The following PAM variants were observed in gnomAD, a reference collection of about 807,000 sequenced individuals.
The protein encoded by PAM is peptidylglycine alpha-amidating monooxygenase, also known as peptidyl-glycine alpha-amidating monooxygenase.
Under a neutral mutation model 122.1 loss-of-function variants are expected in PAM, and 72 were observed. The ratio of observed to expected loss-of-function variants is 0.59; its 90% confidence interval spans 0.49 to 0.72. PAM has a LOEUF of 0.72. PAM is among the 30% of genes least tolerant of loss of function. The pLI is 0.00. For synonymous variants in PAM, 389 were observed against 404.4 expected, an observed-to-expected ratio of 0.96 and a Z score of 0.46; for missense variants, 1,106 against 1,183.7, an observed-to-expected ratio of 0.93 and a Z score of 0.96.
chr5:102,816,884 C>T (rs1770012546), intron 1 of PAM, among the ~76,000 whole-genome samples: 1 of 152,114 alleles, frequency 6.6e-6, no homozygotes, highest in African/African-American at 2.4e-5. Flanking sequence ...CTCTCATGAG[C>T]TCTAGACAAT....
intron 14 of PAM, among the ~76,000 whole-genome samples, chr5:102,965,771 G>A (rs1405260905): frequency 6.6e-6 from 1 of 151,982 alleles, no homozygotes; most frequent in East Asian, 1.9e-4. Flanking sequence ...CATGACCCCA[G>A]ATAGTTAAAG....
chr5:102,878,959 C>T (rs1318328924), intron 3 of PAM, among the ~76,000 whole-genome samples: 2 of 151,534 alleles, frequency 1.3e-5, no homozygotes, highest in African/African-American at 2.4e-5. Flanking sequence ...GACGGAGTCT[C>T]GCTCTGTCGC....
At chr5:102,949,751 A>G (rs1418925159) in intron 10 of PAM, 134 bp downstream of exon 10, 6 of 689,886 alleles carry the variant, frequency 8.7e-6, no homozygotes, top group African/African-American at 7.3e-5. Flanking sequence ...GAAATATTTT[A>G]TGCTGTTTTA....
intron 3 of PAM, among the ~76,000 whole-genome samples, chr5:102,881,283 A>G (rs867903485): frequency 3.9e-5 from 6 of 152,132 alleles, no homozygotes; most frequent in Middle Eastern, 3.4e-3. Flanking sequence ...AAGCAGCCCA[A>G]AAGAAAAGTA....
intron 3 of PAM, among the ~76,000 whole-genome samples, chr5:102,871,971 C>T (rs2151014902): frequency 6.6e-6 from 1 of 151,952 alleles, no homozygotes; most frequent in South Asian, 2.1e-4. Context: ...AATGATTTTA[C>T]CAAATTAAAT....
At chr5:103,027,226 T>C (rs1481839951) in intron 24 of PAM, among the ~76,000 whole-genome samples, 1 of 152,234 alleles carries the variant, frequency 6.6e-6, no homozygotes, top group East Asian at 1.9e-4. Flanking sequence ...CACATGGGGA[T>C]ACAAAACTAA....
chr5:103,021,736 G>C (rs1201243985), intron 23 of PAM, among the ~76,000 whole-genome samples: 2 of 152,042 alleles, frequency 1.3e-5, no homozygotes, highest in Admixed American at 1.3e-4. Context: ...TTATTACAAA[G>C]GGAATGTAAA....
At chr5:102,792,995 C>G (rs531972742) in intron 1 of PAM, among the ~76,000 whole-genome samples, 2 of 152,274 alleles carry the variant, frequency 1.3e-5, no homozygotes, top group South Asian at 4.1e-4. Flanking sequence ...CTAAAAAAAT[C>G]TCCCCTTTGG....
chr5:102,952,598 A>T (rs1417176629), intron 12 of PAM, among the ~76,000 whole-genome samples: 1 of 152,144 alleles, frequency 6.6e-6, no homozygotes, highest in East Asian at 1.9e-4. Flanking sequence ...ACAAACAAGT[A>T]AGACAAGTTT....
chr5:102,974,096 C>A lies in PAM; in HGVS notation c.1163-20C>A. Reference sequence around the variant, plus strand: ...TCTTATCTACCCTCCACGCCCTTATCTCTTCTCTTTTTTCCACAGGTGATT... The same window carrying A: ...TCTTATCTACCCTCCACGCCCTTATATCTTCTCTTTTTTCCACAGGTGATT... On this transcript the variant is annotated intron_variant, in intron 14 of 25. Transcript: ENST00000438793. The A allele has an allele frequency of 1.9e-6, 3 of 1,589,062 alleles. No homozygotes were observed. Among genetic ancestry groups the A allele is most frequent in the Non-Finnish European group, 2.6e-6 (3 of 1,160,850 alleles).
At chr5:102,900,676 T>C (rs1797567137) in intron 3 of PAM, among the ~76,000 whole-genome samples, 1 of 151,658 alleles carries the variant, frequency 6.6e-6, no homozygotes, top group East Asian at 1.9e-4. Context: ...GCACATACTT[T>C]ATTGTGTATG....
chr5:102,916,599 G>A (rs1803173348), intron 5 of PAM, among the ~76,000 whole-genome samples: 1 of 146,832 alleles, frequency 6.8e-6, no homozygotes, highest in African/African-American at 2.5e-5. Flanking sequence ...CTGTTCTAAT[G>A]ATTCTGACTT....
In PAM at chr5:103,007,477, C is replaced by T; in HGVS notation, c.2035C>T (p.Leu679=). Reference sequence around the variant, plus strand: ...TGCAGAGTCTTCAGGGAGCAGTCCTCTGCCAGGCCAGTTCACTGTTCCTCA... The same window carrying T: ...TGCAGAGTCTTCAGGGAGCAGTCCTTTGCCAGGCCAGTTCACTGTTCCTCA... ...WGEESSGSSP[L]PGQFTVPHSL... The change falls in exon 20 of 26, where the codon CTG becomes TTG. Residue 679 remains leucine (L), a synonymous_variant. Coordinates refer to ENST00000438793, the MANE Select transcript of PAM (RefSeq NM_001177306.2). The T allele has an allele frequency of 6.2e-7, 1 of 1,614,030 alleles. No individual in the cohort carries two copies. The highest frequency in any genetic ancestry group is 1.1e-5 in the South Asian group (1 of 91,082).
chr5:103,021,744 A>C (rs188739130), intron 23 of PAM, among the ~76,000 whole-genome samples: 4 of 152,316 alleles, frequency 2.6e-5, no homozygotes, highest in Admixed American at 2.0e-4. Context: ...AAGGGAATGT[A>C]AATCATGCTG....
At position 102,901,383 on chromosome 5, in the gene PAM, C is replaced by T. The variant is rs1233318771; in HGVS notation, c.238C>T (p.Arg80Ter). Residue 80 changes from arginine to a stop codon, truncating the protein, a stop_gained, in exon 4 of 26, where the codon CGA (arginine) becomes TGA (stop). Transcript: ENST00000438793. LOFTEE classifies it high-confidence loss of function. ...QSDTYFCMSMRIPVDEEAFVI... is the reference protein window; with the variant it reads ...QSDTYFCMSM The stretch of plus-strand genomic sequence containing the variant: ...CGATACATACTTCTGCATGTCTATG[C>T]GAATACCAGTGGATGAGGAAGCCTT... 3.1e-6 allele frequency: 5 copies of T among 1,588,482 alleles called. No individual in the cohort carries two copies. Among genetic ancestry groups the T allele is most frequent in the Non-Finnish European group, 3.5e-6 (4 of 1,158,510 alleles).
chr5:102,880,317 C>T (rs1228889630), intron 3 of PAM, among the ~76,000 whole-genome samples: 2 of 151,308 alleles, frequency 1.3e-5, no homozygotes, highest in Non-Finnish European at 2.9e-5. Context: ...CTGCATTTAA[C>T]ACATAGTAAA....
chr5:102,772,267 G>A (rs1397736188), intron 1 of PAM, among the ~76,000 whole-genome samples: 1 of 152,076 alleles, frequency 6.6e-6, no homozygotes, highest in Admixed American at 6.6e-5. Context: ...CTTACCTAGA[G>A]TACCTCTAAT....
intron 4 of PAM, 42 bp from the exon 5 acceptor site, chr5:102,913,892 T>A (rs371586057): frequency 4.6e-6 from 5 of 1,083,224 alleles, no homozygotes; most frequent in Non-Finnish European, 7.2e-6. Context: ...TGCACAGAAG[T>A]GTAACTTGTA....
chr5:103,003,857 A>G (rs561890836), intron 17 of PAM, among the ~76,000 whole-genome samples: 70 of 152,288 alleles, frequency 4.6e-4, no homozygotes, highest in African/African-American at 1.6e-3. Flanking sequence ...AGTGAATACT[A>G]AACAAATGTC....
Sources: gnomAD v4.1 joint callset for allele counts (sites outside exome capture counted in the v4.1 genomes callset) on GRCh38, gnomAD v4.1.1 for gene constraint, MANE v1.5 for transcripts, NCBI Gene and HGNC (gene_info 2026-07-23, HGNC 2026-07-21) for gene names.